Variants in TYW1B observed in about 807,000 individuals in gnomAD.
The protein encoded by TYW1B is S-adenosyl-L-methionine-dependent tRNA 4-demethylwyosine synthase TYW1B.
A neutral mutation model predicts 86.9 loss-of-function variants in TYW1B; 73 were observed. That is an observed-to-expected ratio of 0.84 (90% confidence interval 0.70 to 1.02). TYW1B has a LOEUF of 1.02. Ranked by LOEUF, TYW1B falls within the 50% of genes least tolerant of loss-of-function variation. TYW1B has a pLI of 0.00. For synonymous variants in TYW1B, 248 were observed against 292.8 expected, an observed-to-expected ratio of 0.85 and a Z score of 1.56; for missense variants, 637 against 827.4, an observed-to-expected ratio of 0.77 and a Z score of 2.82.
intron 7 of TYW1B, among the ~76,000 whole-genome samples, chr7:72,759,833 T>TA (rs1563084693): frequency 1.3e-5 from 2 of 152,176 alleles, no homozygotes; most frequent in Admixed American, 1.3e-4. Context: ...TTTAGAAATA[T>TA]AAATTTAGGT....
intron 11 of TYW1B, among the ~76,000 whole-genome samples, chr7:72,679,577 GGGGA>G (rs1813819588): frequency 6.9e-6 from 1 of 144,788 alleles, no homozygotes; most frequent in African/African-American, 2.6e-5. Context: ...TCATAGTTTG[GGGGA>G]AACAATGGGG....
At chr7:72,665,937 C>G (rs1184859229) in intron 11 of TYW1B, among the ~76,000 whole-genome samples, 1 of 151,976 alleles carries the variant, frequency 6.6e-6, no homozygotes, top group East Asian at 1.9e-4. Flanking sequence ...AATAAAAATA[C>G]AAGGGAAAAT....
intron 13 of TYW1B, among the ~76,000 whole-genome samples, chr7:72,614,817 T>G (rs1254219915): frequency 6.6e-6 from 1 of 152,218 alleles, no homozygotes; most frequent in Non-Finnish European, 1.5e-5. Context: ...CCAGGTGCTG[T>G]GTTAACAATG....
At position 72,707,688 on chromosome 7, in the gene TYW1B, G is replaced by A. The variant is rs1814645939; in HGVS notation, c.1370+5933C>T. 2.6e-5 allele frequency among the ~76,000 whole-genome samples: 4 copies of A among 152,270 alleles called. No individual in the cohort carries two copies. In the South Asian group the frequency reaches 8.3e-4, roughly 32 times the overall value. ...TACACAGCATCCACAACAAATACCT[G>A]GCTCTCCCAAAAGTCCTGGTGGACC... On this transcript the variant is annotated intron_variant, in intron 10 of 13. Transcript: ENST00000620995.
At chr7:72,813,218 C>T (rs1238562691) in intron 3 of TYW1B, among the ~76,000 whole-genome samples, 3 of 149,958 alleles carry the variant, frequency 2.0e-5, no homozygotes, top group Admixed American at 6.7e-5. Context: ...TTTTGTCGCC[C>T]AGGCTAGAGG....
At chr7:72,685,857 A>C (rs184179699) in intron 11 of TYW1B, among the ~76,000 whole-genome samples, 1 of 152,330 alleles carries the variant, frequency 6.6e-6, no homozygotes, top group African/African-American at 2.4e-5. Flanking sequence ...ATGAAAAGAC[A>C]AGCTACAGAC....
intron 11 of TYW1B, among the ~76,000 whole-genome samples, chr7:72,687,751 A>C (rs534422852): frequency 1.3e-5 from 2 of 152,214 alleles, no homozygotes; most frequent in Non-Finnish European, 2.9e-5. Context: ...ATAATATATA[A>C]ACTATATAAA....
At chr7:72,806,276 C>A (rs1282839374) in intron 5 of TYW1B, among the ~76,000 whole-genome samples, 1 of 150,402 alleles carries the variant, frequency 6.6e-6, no homozygotes, top group Non-Finnish European at 1.5e-5. Context: ...CACTCTGTCA[C>A]CCAGGCTGGA....
In TYW1B at chr7:72,828,193, A is replaced by G. The variant is rs1554481884; in HGVS notation, c.-118T>C. ...CGTTAGCGCCGTACCGAGTGGCTGC[A>G]GAACTGTGGGCAGCTACGACGCTGC... On this transcript the variant is annotated 5_prime_UTR_variant, in exon 1 of 14. Coordinates refer to ENST00000620995, the MANE Select transcript of TYW1B (RefSeq NM_001145440.3). The G allele has an allele frequency of 9.6e-6, 15 of 1,554,784 alleles. No individual in the cohort carries two copies. The highest frequency in any genetic ancestry group is 5.8e-5 in the Admixed American group (3 of 52,118).
chr7:72,662,913 T>C (rs1813368717), intron 11 of TYW1B, among the ~76,000 whole-genome samples: 1 of 152,236 alleles, frequency 6.6e-6, no homozygotes. Context: ...GAGAAAGTGC[T>C]TCCTTCTTTC....
rs144413625 is a variant in TYW1B, at chr7:72,618,761, C to T, written c.1618-1922G>A. ...CCAGTGATTTAGAGAATTCATTAAA[C>T]GGAGTTGGAGCTGAAACTGTGCCCC... On this transcript the variant is annotated intron_variant, in intron 12 of 13. Coordinates refer to ENST00000620995, the MANE Select transcript of TYW1B (RefSeq NM_001145440.3). 1.3e-3 allele frequency among the ~76,000 whole-genome samples: 195 copies of T among 152,256 alleles called. 5 individuals are homozygous for T. The East Asian group carries it at 0.034, about 26-fold the overall frequency.
rs782560113 is a variant in TYW1B at position 72,628,911 on chromosome 7, C to A, written c.1593G>T (p.Gly531=). ...CCTTCACTTCGATGAAGTCAGGATT[C>A]CCCAGGGACACGAGCTGCGCGTAGG... is the stretch of plus-strand genomic sequence containing the variant. ...LQAYAQLVSL[G]NPDFIEVKGV... is the part of the protein sequence containing the mutation. The change falls in exon 12 of 14, where the codon GGG becomes GGT. Residue 531 remains glycine, a synonymous_variant. Coordinates refer to ENST00000620995, the MANE Select transcript of TYW1B (RefSeq NM_001145440.3). The A allele has an allele frequency of 8.3e-6, 13 of 1,574,934 alleles. No homozygotes were observed. Among genetic ancestry groups the A allele is most frequent in the African/African-American group, 1.4e-5 (1 of 72,278 alleles).
chr7:72,767,255 A>G (rs1453176419), intron 7 of TYW1B, among the ~76,000 whole-genome samples: 3 of 152,216 alleles, frequency 2.0e-5, no homozygotes, highest in African/African-American at 7.2e-5. Flanking sequence ...TGATCTTTGC[A>G]GCCAAGGATA....
At chr7:72,752,485 C>T (rs1209349536) in intron 7 of TYW1B, among the ~76,000 whole-genome samples, 1 of 152,124 alleles carries the variant, frequency 6.6e-6, no homozygotes, top group Admixed American at 6.5e-5. Context: ...AATCCCAACA[C>T]TTTGGGAGCC....
At chr7:72,827,322 T>C (rs1418867215) in intron 1 of TYW1B, among the ~76,000 whole-genome samples, 3 of 152,092 alleles carry the variant, frequency 2.0e-5, no homozygotes, top group Non-Finnish European at 4.4e-5. Context: ...GCAGGAGAAC[T>C]GCTTGCACCT....
In TYW1B at chr7:72,598,011, G is replaced by A. The variant is rs115694364; in HGVS notation, c.1785+18661C>T. Among the ~76,000 whole-genome samples the A allele has an allele frequency of 5.8e-3, 885 of 152,260 alleles. 8 individuals carry two copies. The highest frequency in any genetic ancestry group is 0.02 in the African/African-American group (840 of 41,564). On this transcript the variant is annotated intron_variant, in intron 13 of 13. Transcript: ENST00000620995. ...TCATGAGGACAGATTCGCACATGAT[G>A]GTTAATATTGAGTGTCAACTTTGAT...
At chr7:72,696,194 C>T (rs1453089911) in intron 10 of TYW1B, among the ~76,000 whole-genome samples, 3 of 152,124 alleles carry the variant, frequency 2.0e-5, no homozygotes, top group African/African-American at 7.2e-5. Context: ...GTGATCCACG[C>T]ACCTTGGCCT....
chr7:72,719,411 A>G (rs1351761630), intron 9 of TYW1B, among the ~76,000 whole-genome samples: 2 of 151,918 alleles, frequency 1.3e-5, no homozygotes, highest in African/African-American at 4.8e-5. Context: ...CGGGTGGATC[A>G]TGAGGTTAGG....
At chr7:72,618,769 G>C (rs782243693) in intron 12 of TYW1B, among the ~76,000 whole-genome samples, 1 of 152,166 alleles carries the variant, frequency 6.6e-6, no homozygotes, top group Non-Finnish European at 1.5e-5. Context: ...AACGGAGTTG[G>C]AGCTGAAACT....
Sources: gnomAD v4.1 joint callset for allele counts (sites outside exome capture counted in the v4.1 genomes callset) on GRCh38, gnomAD v4.1.1 for gene constraint, MANE v1.5 for transcripts, NCBI Gene and HGNC (gene_info 2026-07-23, HGNC 2026-07-21) for gene names.